ADGRB1: variants seen among roughly 807,000 people sequenced by gnomAD.
ADGRB1 encodes brain-specific angiogenesis inhibitor 1.
ADGRB1 carries 36 observed loss-of-function variants against 175.7 expected under a neutral mutation model. The observed-to-expected ratio is 0.20, with a 90% CI of 0.16 to 0.27. The LOEUF (loss-of-function observed/expected upper bound fraction) is 0.27. Among genes scored for constraint, ADGRB1 ranks in the 10% least tolerant of loss-of-function variants. ADGRB1 has a pLI of 1.00. For missense variants in ADGRB1, 1,731 were observed against 2,255.3 expected (o/e 0.77, Z 4.71); for synonymous variants, 1,054 against 979.4 (o/e 1.08, Z -1.42).
Position 142,544,671 on chromosome 8 carries a change from C to G in ADGRB1, c.*254C>G, listed in dbSNP as rs58647932. 5.4e-6 allele frequency: 2 copies of G among 373,470 alleles called. No individual in the cohort carries two copies. The allele number at this position is 373,470 out of a possible 1,614,324, so 23.1% of individuals were successfully genotyped here. A position where few individuals can be genotyped will look rare whatever the true frequency, so the allele number is the denominator to read the frequency against. ...GCCTCAGACTCCGCCCTCCTCGGGC[C>G]GAGGCCCAGCGGGCAGATGGGCGGA... On this transcript the variant is annotated 3_prime_UTR_variant, in exon 31 of 31. Transcript: ENST00000517894.
Position 142,476,591 on chromosome 8 carries a change from G to T in ADGRB1, c.953G>T (p.Gly318Val). ...QCNREACGPA[G>V]RTSSRSQSLR... Reference sequence around the variant, plus strand: ...ACCTAAGCCCGTCCTGCAGCCGCTGGGCGCACCAGCTCCCGGAGCCAGTCC... The same window carrying T: ...ACCTAAGCCCGTCCTGCAGCCGCTGTGCGCACCAGCTCCCGGAGCCAGTCC... Residue 318 changes from glycine to valine, a missense_variant, in exon 4 of 31, where the codon GGG (glycine) becomes GTG (valine). Coordinates refer to ENST00000517894, the MANE Select transcript of ADGRB1 (RefSeq NM_001702.3). The T allele has an allele frequency of 6.5e-7, 1 of 1,548,688 alleles. No individual in the cohort carries two copies. Among genetic ancestry groups the T allele is most frequent in the Non-Finnish European group, 8.7e-7 (1 of 1,146,444 alleles).
rs752538490 is a variant in ADGRB1 at position 142,464,396 on chromosome 8, G to A, written c.198G>A (p.Ser66=). Residue 66 remains serine (S), a synonymous_variant, in exon 2 of 31, where the codon TCG becomes TCA. Transcript: ENST00000517894. ...SAAAVFPANA[S]RCSWTLRNPD... is the part of the protein sequence containing the mutation. ...CCGCCGTGTTCCCGGCCAACGCCTC[G>A]CGCTGCTCCTGGACGCTACGCAACC... is the stretch of plus-strand genomic sequence containing the variant. 214 of 1,528,622 alleles carry A rather than the reference G, an allele frequency of 1.4e-4. No homozygotes were observed. Among genetic ancestry groups the A allele is most frequent in the Non-Finnish European group, 1.8e-4 (201 of 1,141,632 alleles). 94.7% of individuals were successfully genotyped at this position (1,528,622 alleles called of 1,614,324 possible). A position where few individuals can be genotyped will look rare whatever the true frequency, so the allele number is the denominator to read the frequency against.
intron 24 of ADGRB1, among the ~76,000 whole-genome samples, chr8:142,528,343 T>TG (rs1294336281): frequency 2.6e-5 from 4 of 152,070 alleles, no homozygotes; most frequent in Admixed American, 6.5e-5. Flanking sequence ...GCCTGCCACT[T>TG]GCAGCCCTCA....
At chr8:142,478,141 G>T in intron 6 of ADGRB1, 46 bp from the exon 7 acceptor site, 1 of 1,563,884 alleles carries the variant, frequency 6.4e-7, no homozygotes, top group South Asian at 1.2e-5. Flanking sequence ...CCAGGCATTG[G>T]GGTGCCGGGT....
Position 142,500,399 on chromosome 8 carries a change from G to T in ADGRB1, c.2675+9584G>T, listed in dbSNP as rs76665048. Among the ~76,000 whole-genome samples, 28 of 80,802 alleles carry T rather than the reference G, an allele frequency of 3.5e-4. 1 individual carries two copies. The highest frequency in any genetic ancestry group is 4.9e-4 in the Admixed American group (4 of 8,180). The allele number at this position is 80,802 out of a possible 152,430, so 53.0% of individuals were successfully genotyped here. On this transcript the variant is annotated intron_variant, in intron 17 of 30. Transcript: ENST00000517894. The stretch of plus-strand genomic sequence containing the variant: ...CTGCCCCCCGCGCCGCTCCTCCCCC[G>T]CCCCCTACACCGCTCCTCCACCACC...
chr8:142,518,317 G>A, intron 19 of ADGRB1, 76 bp downstream of exon 19: 2 of 1,499,710 alleles, frequency 1.3e-6, no homozygotes, highest in Non-Finnish European at 1.8e-6. Flanking sequence ...AAGGTCACGG[G>A]CGGGGTCGTG....
chr8:142,527,986 G>A (rs1212074344), intron 24 of ADGRB1, among the ~76,000 whole-genome samples: 1 of 152,218 alleles, frequency 6.6e-6, no homozygotes, highest in African/African-American at 2.4e-5. Context: ...TGCCACGGGG[G>A]CCAGCTGCGT....
chr8:142,499,379 A>G (rs1247924960), intron 17 of ADGRB1, among the ~76,000 whole-genome samples: 1 of 152,238 alleles, frequency 6.6e-6, no homozygotes, highest in African/African-American at 2.4e-5. Flanking sequence ...CTCCAAGTCC[A>G]GGACGGCTTC....
intron 30 of ADGRB1, 137 bp from the exon 31 acceptor site, chr8:142,544,083 C>T (rs1458717418): frequency 6.6e-6 from 6 of 915,878 alleles, no homozygotes; most frequent in Non-Finnish European, 9.7e-6. Flanking sequence ...CTGAAAGCCT[C>T]ATCCTGTCCC....
chr8:142,482,596 C>G (rs1356948230), intron 11 of ADGRB1, among the ~76,000 whole-genome samples: 1 of 149,572 alleles, frequency 6.7e-6, no homozygotes, highest in Non-Finnish European at 1.5e-5. Flanking sequence ...AGCCCTGACC[C>G]TCGTCACATG....
chr8:142,523,409 GGA>G (rs1321732542), intron 22 of ADGRB1, among the ~76,000 whole-genome samples: 1 of 145,296 alleles, frequency 6.9e-6, no homozygotes, highest in East Asian at 2.1e-4. Flanking sequence ...GTGGGAGGGC[GGA>G]GCAGGCCTGG....
intron 24 of ADGRB1, among the ~76,000 whole-genome samples, chr8:142,527,103 C>T (rs1201700261): frequency 6.6e-6 from 1 of 152,184 alleles, no homozygotes; most frequent in Non-Finnish European, 1.5e-5. Context: ...ATGTTCCTCC[C>T]TCCGGGGAAC....
chr8:142,464,993 G>A lies in ADGRB1; in HGVS notation c.784+11G>A. 1 of 1,481,392 alleles carries A rather than the reference G, an allele frequency of 6.8e-7. No individual in the cohort carries two copies. The highest frequency in any genetic ancestry group is 8.9e-7 in the Non-Finnish European group (1 of 1,122,336). 91.8% of individuals were successfully genotyped at this position (1,481,392 alleles called of 1,614,324 possible). ...GGCACGGCGCCACAGGTGAGTGACT[G>A]GCGGGGAAACCTTCGGACAGGGGAG... On this transcript the variant is annotated intron_variant, in intron 2 of 30. Coordinates refer to ENST00000517894, the MANE Select transcript of ADGRB1 (RefSeq NM_001702.3).
In ADGRB1 at chr8:142,542,338, C is replaced by T; in HGVS notation, c.4104C>T (p.His1368=). The T allele has an allele frequency of 3.7e-6, 6 of 1,607,942 alleles. No individual in the cohort carries two copies. Among genetic ancestry groups the T allele is most frequent in the Non-Finnish European group, 5.1e-6 (6 of 1,177,690 alleles). Residue 1368 remains histidine, a synonymous_variant, in exon 28 of 31, where the codon CAC becomes CAT. Coordinates refer to ENST00000517894, the MANE Select transcript of ADGRB1 (RefSeq NM_001702.3). This position sits in a 1 kb window ranked among gnomAD's most constrained non-coding sequence, Gnocchi z 6.3. ...KPKEEPKYSI[H]IDQMPQTRLI... ...AGGAGGAGCCCAAGTACAGCATCCA[C>T]ATTGACCAGATGCCGCAGACCCGCC...
intron 17 of ADGRB1, among the ~76,000 whole-genome samples, chr8:142,500,268 GCGC>G (rs1563716119): frequency 5.3e-5 from 2 of 38,054 alleles, no homozygotes; most frequent in Non-Finnish European, 1.2e-4. Flanking sequence ...ACCTCCCCAC[GCGC>G]CGCTCCTCCA....
intron 26 of ADGRB1, 58 bp from the exon 27 acceptor site, chr8:142,539,316 G>A (rs1300779233): frequency 1.7e-5 from 26 of 1,540,912 alleles, no homozygotes; most frequent in East Asian, 9.8e-5. Context: ...CTGTGCACGC[G>A]TGCACACACC....
chr8:142,505,377 T>C (rs1842803628), intron 17 of ADGRB1, among the ~76,000 whole-genome samples: 1 of 152,142 alleles, frequency 6.6e-6, no homozygotes, highest in African/African-American at 2.4e-5. Context: ...TGGAGGTGCC[T>C]GTGGGGGCTG....
Position 142,464,763 on chromosome 8 carries a change from C to A in ADGRB1, c.565C>A (p.Leu189Met). Residue 189 changes from leucine (L) to methionine (M), a missense_variant, in exon 2 of 31, where the codon CTG (leucine) becomes ATG (methionine). Physicochemically the swap from Leu to Met is conservative, Grantham distance 15. Transcript: ENST00000517894. ...RNPSRAACQMLCRWLDACLAG... is the reference protein window; with the variant it reads ...RNPSRAACQMMCRWLDACLAG... ...CCCCAGCCGTGCCGCCTGCCAGATG[C>A]TGTGCCGCTGGCTGGACGCGTGTCT... 2.0e-6 allele frequency: 3 copies of A among 1,535,116 alleles called. No homozygotes were observed. Among genetic ancestry groups the A allele is most frequent in the Non-Finnish European group, 2.6e-6 (3 of 1,145,738 alleles).
At chr8:142,506,664 C>T (rs1842867393) in intron 17 of ADGRB1, among the ~76,000 whole-genome samples, 1 of 152,226 alleles carries the variant, frequency 6.6e-6, no homozygotes, top group African/African-American at 2.4e-5. Context: ...TTCAGTCAGA[C>T]TTTCGGGGGA....
Sources: allele counts gnomAD v4.1 joint callset (sites outside exome capture counted in the v4.1 genomes callset), GRCh38; gene constraint gnomAD v4.1.1; non-coding constraint Gnocchi (gnomAD v3.1); transcripts MANE v1.5; gene names NCBI Gene and HGNC (gene_info 2026-07-23, HGNC 2026-07-21).